SMARCB1: variants seen among roughly 807,000 people sequenced by gnomAD.
SMARCB1 encodes SWI/SNF related BAF chromatin remodeling complex subunit B1, also known as SWI/SNF-related matrix-associated actin-dependent regulator of chromatin subfamily B member 1.
Under a neutral mutation model 49.0 loss-of-function variants are expected in SMARCB1, and 5 were observed. The observed-to-expected ratio is 0.10, with a 90% CI of 0.05 to 0.21. The LOEUF is 0.21. Ranked by LOEUF, SMARCB1 falls within the 10% of genes least tolerant of loss-of-function variation. SMARCB1 has a pLI of 1.00. For synonymous variants in SMARCB1, 201 were observed against 200.1 expected, an observed-to-expected ratio of 1.00 and a Z score of -0.04; for missense variants, 226 against 509.2, an observed-to-expected ratio of 0.44 and a Z score of 5.35.
At chr22:23,827,631 G>T (rs527898506) in intron 7 of SMARCB1, among the ~76,000 whole-genome samples, 14 of 152,214 alleles carry the variant, frequency 9.2e-5, no homozygotes, top group Non-Finnish European at 2.1e-4. Context: ...AGGCCATCCC[G>T]CTGGGACCAA....
At chr22:23,811,771 G>T (rs937828200) in intron 5 of SMARCB1, among the ~76,000 whole-genome samples, 1 of 152,162 alleles carries the variant, frequency 6.6e-6, no homozygotes, top group Non-Finnish European at 1.5e-5. Flanking sequence ...GATAATCTAA[G>T]CTCTAATCTC....
At chr22:23,822,857 T>G (rs1278680416) in intron 6 of SMARCB1, among the ~76,000 whole-genome samples, 1 of 143,228 alleles carries the variant, frequency 7.0e-6, no homozygotes, top group Non-Finnish European at 1.5e-5. Flanking sequence ...CTGGACTTTC[T>G]CCCCCTCCCT....
chr22:23,792,029 G>T, intron 2 of SMARCB1, 135 bp downstream of exon 2: 2 of 859,140 alleles, frequency 2.3e-6, no homozygotes, highest in Non-Finnish European at 3.8e-6. Flanking sequence ...GGGGTGGGCC[G>T]CCCTGTGAGC....
intron 7 of SMARCB1, among the ~76,000 whole-genome samples, chr22:23,827,139 C>T (rs556202936): frequency 2.4e-4 from 36 of 152,342 alleles, no homozygotes; most frequent in South Asian, 6.2e-4. Flanking sequence ...CACCTCCTCC[C>T]GCAGAGGCTG....
chr22:23,816,924 C>T lies in SMARCB1; in HGVS notation c.783C>T (p.Arg261=), dbSNP rs748964274. The T allele has an allele frequency of 2.5e-5, 41 of 1,613,822 alleles. No homozygotes were observed. Among genetic ancestry groups the T allele is most frequent in the East Asian group, 4.5e-5 (2 of 44,900 alleles). The change falls in exon 6 of 9, where the codon CGC becomes CGT. Residue 261 remains arginine (R), a synonymous_variant. Transcript: ENST00000644036. The part of the protein sequence containing the change: ...DSILEDQSDQ[R]VIIKLNIHVG... Reference sequence around the variant, plus strand: ...TCCTGGAGGACCAGTCAGACCAGCGCGTCATCATCAAGGTAGGTGACTTCT... The same window carrying T: ...TCCTGGAGGACCAGTCAGACCAGCGTGTCATCATCAAGGTAGGTGACTTCT...
In SMARCB1 at chr22:23,835,122, G is replaced by A. The variant is rs566325045; in HGVS notation, c.*942G>A. 1.5e-4 allele frequency: 202 copies of A among 1,372,026 alleles called. No homozygotes were observed. The highest frequency in any genetic ancestry group is 7.3e-4 in the Admixed American group (22 of 30,074). 85.0% of individuals were successfully genotyped at this position (1,372,026 alleles called of 1,614,324 possible). A position where few individuals can be genotyped will look rare whatever the true frequency, so the allele number is the denominator to read the frequency against. On this transcript the variant is annotated 3_prime_UTR_variant, in exon 9 of 9. Coordinates refer to ENST00000644036, the MANE Select transcript of SMARCB1 (RefSeq NM_003073.5). ...TGAGGAATATGGGAATAGCCCTCCC[G>A]GCCTGGTGCCAGCTCTTGGAGTTGA...
At chr22:23,823,298 G>A (rs1048976451) in intron 6 of SMARCB1, 2 of 152,306 alleles carry the variant, frequency 1.3e-5, no homozygotes, top group African/African-American at 4.8e-5. Context: ...ATGGGGTCCT[G>A]TTGGGTGGTT....
intron 6 of SMARCB1, 87 bp downstream of exon 6, chr22:23,817,023 A>G: frequency 9.2e-7 from 1 of 1,084,806 alleles, no homozygotes; most frequent in Non-Finnish European, 1.4e-6. Flanking sequence ...CCAAGGCCTC[A>G]GCAGAAGCCC....
At chr22:23,810,624 T>C (rs1277163920) in intron 5 of SMARCB1, among the ~76,000 whole-genome samples, 1 of 151,164 alleles carries the variant, frequency 6.6e-6, no homozygotes, top group Non-Finnish European at 1.5e-5. Flanking sequence ...AGAAAAAATG[T>C]AGATAAATAA....
rs1057523208 is a variant in SMARCB1 at position 23,834,128 on chromosome 22, A to G, written c.1119-13A>G. 1 of 1,581,720 alleles carries G rather than the reference A, an allele frequency of 6.3e-7. No homozygotes were observed. The highest frequency in any genetic ancestry group is 1.4e-5 in the African/African-American group (1 of 73,748). On this transcript the variant is annotated splice_polypyrimidine_tract_variant and intron_variant, in intron 8 of 8. Coordinates refer to ENST00000644036, the MANE Select transcript of SMARCB1 (RefSeq NM_003073.5). ...CTGGCCCCGACTCATTGCCCTCCCC[A>G]CTCCTCTTCCAGGCGGATGAGGCGT...
chr22:23,793,624 C>A lies in SMARCB1; in HGVS notation c.298C>A (p.Leu100Met), dbSNP rs2145964047. 1 of 1,614,136 alleles carries A rather than the reference C, an allele frequency of 6.2e-7. No individual in the cohort carries two copies. Among genetic ancestry groups the A allele is most frequent in the Non-Finnish European group, 8.5e-7 (1 of 1,179,982 alleles). Residue 100 changes from leucine (L) to methionine (M), a missense_variant, in exon 3 of 9, where the codon CTG (leucine) becomes ATG (methionine). Transcript: ENST00000644036. ...LLKASEVEEILDGNDEKYKAV... is the reference protein window; with the variant it reads ...LLKASEVEEIMDGNDEKYKAV... ...AAAAGCCTCGGAAGTGGAAGAGATT[C>A]TGGATGGCAACGATGAGAAGTACAA... is the stretch of plus-strand genomic sequence containing the variant.
At chr22:23,800,797 C>T (rs1370207180) in intron 3 of SMARCB1, 147 bp from the exon 4 acceptor site, 7 of 763,584 alleles carry the variant, frequency 9.2e-6, no homozygotes, top group East Asian at 7.4e-5. Flanking sequence ...GGAGCAGGCT[C>T]CTGCAAAGTC....
intron 6 of SMARCB1, among the ~76,000 whole-genome samples, chr22:23,819,132 G>A (rs559891967): frequency 2.0e-4 from 30 of 152,308 alleles, no homozygotes; most frequent in Non-Finnish European, 2.8e-4. Flanking sequence ...GATTACAGGC[G>A]TGAGCCACTG....
rs1218439589 is a variant in SMARCB1, at chr22:23,834,423, T to C, written c.*243T>C. On this transcript the variant is annotated 3_prime_UTR_variant, in exon 9 of 9. Coordinates refer to ENST00000644036, the MANE Select transcript of SMARCB1 (RefSeq NM_003073.5). ...TCTCTGGGGTCAGGAAGAAACCTTA[T>C]TTTAGGTTGTGTTTTGTTTTTGTAT... 1 of 680,398 alleles carries C rather than the reference T, an allele frequency of 1.5e-6. No homozygotes were observed. Among genetic ancestry groups the C allele is most frequent in the Non-Finnish European group, 2.7e-6 (1 of 373,960 alleles). The allele number at this position is 680,398 out of a possible 1,614,324, so 42.1% of individuals were successfully genotyped here. A position where few individuals can be genotyped will look rare whatever the true frequency, so the allele number is the denominator to read the frequency against.
At chr22:23,801,627 G>T in intron 4 of SMARCB1, 1 of 342,296 alleles carries the variant, frequency 2.9e-6, no homozygotes, top group Middle Eastern at 1.1e-3. Flanking sequence ...CAGCTTTGGG[G>T]GCTGCCACGT....
Position 23,835,745 on chromosome 22 carries a change from A to G in SMARCB1, c.*1565A>G, listed in dbSNP as rs1442275978. On this transcript the variant is annotated 3_prime_UTR_variant, in exon 9 of 9. Coordinates refer to ENST00000644036, the MANE Select transcript of SMARCB1 (RefSeq NM_003073.5). ...TGTCCATGAGGTAGGAACCTCGGCA[A>G]TGAAAGGGTGAGGCAGCCCTGTGTC... 6.1e-6 allele frequency: 6 copies of G among 985,362 alleles called. No homozygotes were observed. In the African/African-American group the frequency reaches 8.7e-5, roughly 14 times the overall value. 61.0% of individuals were successfully genotyped at this position (985,362 alleles called of 1,614,324 possible).
intron 7 of SMARCB1, among the ~76,000 whole-genome samples, chr22:23,832,813 G>C (rs898340098): frequency 1.3e-5 from 2 of 152,176 alleles, no homozygotes; most frequent in African/African-American, 4.8e-5. Flanking sequence ...GCACTCCTGT[G>C]CCCACCCCAT....
rs144548583 is a variant in SMARCB1, at chr22:23,796,472, C to T, written c.362+2784C>T. Among the ~76,000 whole-genome samples the T allele has an allele frequency of 5.4e-3, 821 of 152,312 alleles. 6 individuals carry two copies. The highest frequency in any genetic ancestry group is 0.019 in the African/African-American group (788 of 41,560). ...AGCTCTCAACAAAGTATGCATTTCT[C>T]TGCACAAAGCCCAAGGAGCATTAAG... On this transcript the variant is annotated intron_variant, in intron 3 of 8. Coordinates refer to ENST00000644036, the MANE Select transcript of SMARCB1 (RefSeq NM_003073.5).
At chr22:23,795,604 C>T (rs1351394644) in intron 3 of SMARCB1, among the ~76,000 whole-genome samples, 2 of 151,048 alleles carry the variant, frequency 1.3e-5, no homozygotes, top group East Asian at 2.0e-4. Context: ...TGCGGTGAGC[C>T]GAGGTTGCGC....
Sources: gnomAD v4.1 joint callset for allele counts (sites outside exome capture counted in the v4.1 genomes callset) on GRCh38, gnomAD v4.1.1 for gene constraint, MANE v1.5 for transcripts, NCBI Gene and HGNC (gene_info 2026-07-23, HGNC 2026-07-21) for gene names.